Variants in CAPZB observed in about 807,000 individuals in gnomAD.
CAPZB encodes the protein capping actin protein of muscle Z-line subunit beta.
In CAPZB, 2 loss-of-function variants were observed where a neutral mutation model predicts 38.1. The ratio of observed to expected loss-of-function variants is 0.05; its 90% CI spans 0.02 to 0.17. CAPZB has a LOEUF of 0.17. Among genes scored for constraint, CAPZB ranks in the 10% least tolerant of loss-of-function variants. CAPZB has a pLI of 1.00. For missense variants in CAPZB, 161 were observed against 334.2 expected (o/e 0.48, Z 4.04); for synonymous variants, 107 against 127.4 (o/e 0.84, Z 1.08).
intron 4 of CAPZB, among the ~76,000 whole-genome samples, chr1:19,373,766 AC>A (rs2094131419): frequency 6.6e-6 from 1 of 151,478 alleles, no homozygotes; most frequent in Admixed American, 6.6e-5. Context: ...ACTATAGCTC[AC>A]TGTAACCTTG....
chr1:19,460,764 T>C (rs923366073), intron 1 of CAPZB, among the ~76,000 whole-genome samples: 21 of 151,708 alleles, frequency 1.4e-4, no homozygotes, highest in African/African-American at 5.1e-4. Context: ...TGGCACACAT[T>C]CCCCACGGAT....
chr1:19,481,476 T>A (rs2094628358), intron 1 of CAPZB, among the ~76,000 whole-genome samples: 1 of 152,218 alleles, frequency 6.6e-6, no homozygotes, highest in Admixed American at 6.5e-5. Flanking sequence ...CCAGGCCTGC[T>A]GTTCACACCG....
intron 4 of CAPZB, among the ~76,000 whole-genome samples, chr1:19,363,273 TTTTTTTA>T (rs969517043): frequency 5.3e-5 from 8 of 150,646 alleles, no homozygotes; most frequent in Non-Finnish European, 8.9e-5. Flanking sequence ...TTTTTTTTTT[TTTTTTTA>T]GAGACAGGGT....
intron 2 of CAPZB, among the ~76,000 whole-genome samples, chr1:19,389,327 G>A (rs2094219775): frequency 6.6e-6 from 1 of 152,136 alleles, no homozygotes; most frequent in Non-Finnish European, 1.5e-5. Flanking sequence ...CCCATTGAGG[G>A]TTGCTGGATA....
At chr1:19,354,641 G>A (rs1161310622) in intron 6 of CAPZB, among the ~76,000 whole-genome samples, 1 of 152,234 alleles carries the variant, frequency 6.6e-6, no homozygotes, top group African/African-American at 2.4e-5. Context: ...AGCTTGGCAG[G>A]AGACACTGCT....
intron 6 of CAPZB, among the ~76,000 whole-genome samples, chr1:19,346,469 A>AG (rs1279152880): frequency 2.0e-5 from 3 of 146,480 alleles, no homozygotes; most frequent in South Asian, 2.1e-4. Flanking sequence ...AAAAAAAAAA[A>AG]AAAAAAAAAG....
At chr1:19,419,537 T>A in intron 2 of CAPZB, 124 bp downstream of exon 2, 1 of 641,110 alleles carries the variant, frequency 1.6e-6, no homozygotes, top group East Asian at 2.8e-5. Context: ...CATAGTCCAG[T>A]GGCATGGTCT....
intron 1 of CAPZB, among the ~76,000 whole-genome samples, chr1:19,455,579 A>G (rs1160706843): frequency 6.6e-6 from 1 of 152,164 alleles, no homozygotes; most frequent in African/African-American, 2.4e-5. Flanking sequence ...AATCCGTCAC[A>G]GTCCCTGCCG....
intron 1 of CAPZB, chr1:19,424,711 G>A (rs1049090042): frequency 6.6e-6 from 1 of 152,298 alleles, no homozygotes; most frequent in Non-Finnish European, 1.5e-5. Context: ...TAACCTCGTG[G>A]CCTGGGATTT....
chr1:19,459,283 A>G (rs1200258000), intron 1 of CAPZB, among the ~76,000 whole-genome samples: 2 of 152,248 alleles, frequency 1.3e-5, no homozygotes, highest in Admixed American at 1.3e-4. Flanking sequence ...TCATTCAAAC[A>G]CAGGCACAGA....
intron 2 of CAPZB, among the ~76,000 whole-genome samples, chr1:19,407,762 G>A (rs961742541): frequency 5.9e-5 from 9 of 152,120 alleles, no homozygotes; most frequent in African/African-American, 9.7e-5. Flanking sequence ...CAGGGCTTCC[G>A]AAGACTTTCC....
At chr1:19,359,290 A>C (rs2100329680) in intron 4 of CAPZB, among the ~76,000 whole-genome samples, 1 of 148,446 alleles carries the variant, frequency 6.7e-6, no homozygotes, top group Admixed American at 6.8e-5. Flanking sequence ...AAAAATCAGT[A>C]CACGAATACA....
chr1:19,432,835 C>T (rs1379432475), intron 1 of CAPZB, among the ~76,000 whole-genome samples: 1 of 152,258 alleles, frequency 6.6e-6, no homozygotes, highest in Non-Finnish European at 1.5e-5. Context: ...TTTCTAACGA[C>T]TTGTAGGGAA....
At position 19,339,170 on chromosome 1, in the gene CAPZB, A is replaced by C. The variant is rs2093914134; in HGVS notation, c.*360T>G. 3 of 232,726 alleles carry C rather than the reference A, an allele frequency of 1.3e-5. No homozygotes were observed. The South Asian group carries it at 2.5e-4, about 20-fold the overall frequency. The allele number at this position is 232,726 out of a possible 1,614,324, so 14.4% of individuals were successfully genotyped here. A position where few individuals can be genotyped will look rare whatever the true frequency, so the allele number is the denominator to read the frequency against. On this transcript the variant is annotated 3_prime_UTR_variant, in exon 9 of 9. Transcript: ENST00000264202. Reference sequence around the variant, plus strand: ...AGTTCATAAAATTTTTTTGTTTTACATTTTTTACACCAATGTACCAAAAAG... The same window carrying C: ...AGTTCATAAAATTTTTTTGTTTTACCTTTTTTACACCAATGTACCAAAAAG...
At chr1:19,369,490 C>T (rs938186316) in intron 4 of CAPZB, among the ~76,000 whole-genome samples, 3 of 152,238 alleles carry the variant, frequency 2.0e-5, no homozygotes, top group Non-Finnish European at 2.9e-5. Flanking sequence ...AGTGGCAAGC[C>T]GGTGTCCCAC....
intron 1 of CAPZB, among the ~76,000 whole-genome samples, chr1:19,453,540 C>T (rs879635268): frequency 7.9e-5 from 12 of 152,328 alleles, no homozygotes; most frequent in Middle Eastern, 3.4e-3. Flanking sequence ...TGACTACAGG[C>T]GTGAGCCACT....
intron 1 of CAPZB, among the ~76,000 whole-genome samples, chr1:19,478,742 G>C (rs1009814592): frequency 2.0e-5 from 3 of 152,252 alleles, no homozygotes; most frequent in Admixed American, 1.3e-4. Context: ...AGGTCTACCT[G>C]ACTGCTCAGT....
chr1:19,420,624 T>C (rs926332084), intron 1 of CAPZB, among the ~76,000 whole-genome samples: 1 of 150,962 alleles, frequency 6.6e-6, no homozygotes, highest in Non-Finnish European at 1.5e-5. Context: ...GAACATGGGG[T>C]TTTGCCATAT....
chr1:19,428,520 G>T (rs1307629212), intron 1 of CAPZB, among the ~76,000 whole-genome samples: 4 of 152,116 alleles, frequency 2.6e-5, no homozygotes, highest in African/African-American at 9.7e-5. Flanking sequence ...ACTGCTTTAT[G>T]TGTCTCTCTC....
Sources: gnomAD v4.1 joint callset for allele counts (sites outside exome capture counted in the v4.1 genomes callset) on GRCh38, gnomAD v4.1.1 for gene constraint, MANE v1.5 for transcripts, NCBI Gene and HGNC (gene_info 2026-07-23, HGNC 2026-07-21) for gene names.